Variants in NIPA1 observed in about 807,000 individuals in gnomAD.
NIPA1 encodes magnesium transporter NIPA1.
Under a neutral mutation model 23.9 loss-of-function variants are expected in NIPA1, and 13 were observed. The observed-to-expected ratio is 0.54, with a 90% confidence interval of 0.35 to 0.87. The LOEUF is 0.87. NIPA1 is among the 40% of genes least tolerant of loss of function. NIPA1 has a pLI of 0.01. For synonymous variants in NIPA1, 234 were observed against 202.9 expected (o/e 1.15, Z -1.30); for missense variants, 362 against 429.7 (o/e 0.84, Z 1.39).
At chr15:22,802,884 A>G (rs558050158) in intron 1 of NIPA1, among the ~76,000 whole-genome samples, 2 of 152,074 alleles carry the variant, frequency 1.3e-5, no homozygotes, top group Admixed American at 6.5e-5. Flanking sequence ...TATGTTCCTT[A>G]TTATTGCTGA....
Position 22,792,055 on chromosome 15 carries a change from G to A in NIPA1, c.178+5221G>A, listed in dbSNP as rs138484728. Among the ~76,000 whole-genome samples, 474 of 152,354 alleles carry A rather than the reference G, an allele frequency of 3.1e-3. 3 individuals carry two copies. Among genetic ancestry groups the A allele is most frequent in the African/African-American group, 0.011 (459 of 41,572 alleles). On this transcript the variant is annotated intron_variant, in intron 1 of 4. Coordinates refer to ENST00000337435, the MANE Select transcript of NIPA1 (RefSeq NM_144599.5). ...TCTTTGCCATGCTTTTGGATGACAT[G>A]CTGTGGGAAGCAGGCAGGGAGGCAG...
At chr15:22,793,664 C>T (rs1283200287) in intron 1 of NIPA1, among the ~76,000 whole-genome samples, 1 of 152,110 alleles carries the variant, frequency 6.6e-6, no homozygotes, top group East Asian at 1.9e-4. Flanking sequence ...TGGTCTCGAA[C>T]TCCTGACCTC....
intron 1 of NIPA1, among the ~76,000 whole-genome samples, chr15:22,794,823 C>T (rs1023114635): frequency 1.3e-5 from 2 of 152,166 alleles, no homozygotes; most frequent in Admixed American, 6.5e-5. Flanking sequence ...CCTCCGGACC[C>T]TGACATGAGG....
chr15:22,803,675 A>ATTTTTTTT (rs34811722), intron 1 of NIPA1, among the ~76,000 whole-genome samples: 6 of 71,090 alleles, frequency 8.4e-5, no homozygotes, highest in East Asian at 4.2e-4. Context: ...GGCCCGGCTA[A>ATTTTTTTT]TTTTTTTTTT....
upstream of NIPA1, chr15:22,786,592 A>AC (rs1036428523): frequency 2.1e-4 from 110 of 534,782 alleles, no homozygotes; most frequent in African/African-American, 1.2e-3. Flanking sequence ...CCTCCCGGTC[A>AC]CCCCCCATCC....
At chr15:22,800,670 T>C (rs369682827) in intron 1 of NIPA1, among the ~76,000 whole-genome samples, 2 of 152,144 alleles carry the variant, frequency 1.3e-5, no homozygotes, top group South Asian at 4.1e-4. Context: ...GGCTCACGCC[T>C]GTAATCCCAG....
At chr15:22,794,456 T>C (rs1050819664) in intron 1 of NIPA1, among the ~76,000 whole-genome samples, 1 of 152,080 alleles carries the variant, frequency 6.6e-6, no homozygotes, top group African/African-American at 2.4e-5. Flanking sequence ...TCAGTGTACT[T>C]CACAGGACTG....
At chr15:22,795,918 A>G (rs1281547571) in intron 1 of NIPA1, among the ~76,000 whole-genome samples, 1 of 152,040 alleles carries the variant, frequency 6.6e-6, no homozygotes, top group Non-Finnish European at 1.5e-5. Flanking sequence ...GAAGATAGAT[A>G]AATCCACCTA....
In NIPA1 at chr15:22,797,071, G is replaced by A. The variant is rs146227063; in HGVS notation, c.178+10237G>A. 8.8e-3 allele frequency among the ~76,000 whole-genome samples: 1,305 copies of A among 147,870 alleles called. 9 individuals are homozygous for A. The highest frequency in any genetic ancestry group is 0.014 in the Non-Finnish European group (951 of 67,560). ...TTTTTTTTTTTTTAGATAAAGTCTC[G>A]CTCTGTCACCCAGGCTGGAGTGCAG... On this transcript the variant is annotated intron_variant, in intron 1 of 4. Coordinates refer to ENST00000337435, the MANE Select transcript of NIPA1 (RefSeq NM_144599.5).
chr15:22,821,756 T>G (rs12905852), intron 4 of NIPA1, among the ~76,000 whole-genome samples: 96,704 of 151,740 alleles, frequency 0.64, 33,084 homozygotes, highest in South Asian at 0.86. Flanking sequence ...GTCCACACTC[T>G]CTGGTTTGCA....
At chr15:22,796,015 T>G (rs1263539017) in intron 1 of NIPA1, among the ~76,000 whole-genome samples, 1 of 152,100 alleles carries the variant, frequency 6.6e-6, no homozygotes, top group Non-Finnish European at 1.5e-5. Flanking sequence ...CACTGCAGCT[T>G]CGACCTCCTG....
chr15:22,823,783 G>T lies in NIPA1; in HGVS notation c.534G>T (p.Trp178Cys). The T allele has an allele frequency of 6.2e-7, 1 of 1,613,498 alleles. No individual in the cohort carries two copies. Among genetic ancestry groups the T allele is most frequent in the Non-Finnish European group, 8.5e-7 (1 of 1,179,818 alleles). Residue 178 changes from tryptophan to cysteine, a missense_variant, in exon 5 of 5, where the codon TGG (tryptophan) becomes TGT (cysteine). Physicochemically the swap from Trp to Cys is radical, Grantham distance 215. Transcript: ENST00000337435. ...TCATGCTGCTGCTGCTCATCTTCTG[G>T]ATCGCGCCGGCCCATGGGCCCACCA... is the stretch of plus-strand genomic sequence containing the variant. ...VLLMLLLLIF[W>C]IAPAHGPTNI...
At chr15:22,807,883 A>G (rs927467410) in intron 1 of NIPA1, among the ~76,000 whole-genome samples, 2 of 151,644 alleles carry the variant, frequency 1.3e-5, no homozygotes, top group African/African-American at 4.9e-5. Context: ...TCCCAGGTTC[A>G]TGCCATTTTC....
At chr15:22,786,286 A>T (rs1894693631), upstream of NIPA1, 1 of 152,052 alleles carries the variant, frequency 6.6e-6, no homozygotes, top group African/African-American at 2.4e-5. Context: ...CTCTTCGGGG[A>T]CCGCTGCCCG....
chr15:22,810,351 T>C (rs1895294440), intron 1 of NIPA1, among the ~76,000 whole-genome samples: 1 of 152,196 alleles, frequency 6.6e-6, no homozygotes, highest in Admixed American at 6.5e-5. Context: ...AGTCAAACCC[T>C]ATGATAATAA....
Position 22,824,533 on chromosome 15 carries a change from A to T in NIPA1, c.*294A>T. The T allele has an allele frequency of 2.6e-6, 1 of 390,634 alleles. No homozygotes were observed. Among genetic ancestry groups the T allele is most frequent in the Non-Finnish European group, 4.7e-6 (1 of 210,922 alleles). The allele number at this position is 390,634 out of a possible 1,614,324, so 24.2% of individuals were successfully genotyped here. A position where few individuals can be genotyped will look rare whatever the true frequency, so the allele number is the denominator to read the frequency against. ...TTCATGAATATTCTCTTCTTTTAAA[A>T]CATTTTAACATTATTTAAACAGAAA... On this transcript the variant is annotated 3_prime_UTR_variant, in exon 5 of 5. Coordinates refer to ENST00000337435, the MANE Select transcript of NIPA1 (RefSeq NM_144599.5). This position sits in a 1 kb window ranked among gnomAD's most constrained non-coding sequence, Gnocchi z 4.1.
chr15:22,809,505 G>T (rs1371234193), intron 1 of NIPA1, among the ~76,000 whole-genome samples: 1 of 152,132 alleles, frequency 6.6e-6, no homozygotes, highest in Non-Finnish European at 1.5e-5. Flanking sequence ...AGCAGTTTGG[G>T]AGTCTGAGGC....
At chr15:22,803,019 C>T (rs879596503) in intron 1 of NIPA1, among the ~76,000 whole-genome samples, 3 of 151,582 alleles carry the variant, frequency 2.0e-5, no homozygotes, top group East Asian at 1.9e-4. Flanking sequence ...TGCAGTGGTG[C>T]GATCTTGGCT....
chr15:22,794,935 TC>T (rs948585826), intron 1 of NIPA1, among the ~76,000 whole-genome samples: 7 of 151,590 alleles, frequency 4.6e-5, no homozygotes, highest in East Asian at 3.9e-4. Flanking sequence ...TCATTTGCAT[TC>T]CCCCCCATCC....
Sources: allele counts gnomAD v4.1 joint callset (sites outside exome capture counted in the v4.1 genomes callset), GRCh38; gene constraint gnomAD v4.1.1; non-coding constraint Gnocchi (gnomAD v3.1); transcripts MANE v1.5; gene names NCBI Gene and HGNC (gene_info 2026-07-23, HGNC 2026-07-21).